FAM227B: variants seen among roughly 807,000 people sequenced by gnomAD.
The protein encoded by FAM227B is family with sequence similarity 227 member B.
A neutral mutation model predicts 73.8 loss-of-function variants in FAM227B; 88 were observed. The observed-to-expected ratio is 1.19, with a 90% CI of 1.00 to 1.42. FAM227B has a LOEUF of 1.42. Ranked by LOEUF, FAM227B falls within the 40% of genes most tolerant of loss-of-function variation. The probability of loss-of-function intolerance (pLI) is 0.00; values close to 1 mark genes in which losing one functional copy is unlikely to be tolerated. For synonymous variants in FAM227B, 210 were observed against 190.5 expected, an observed-to-expected ratio of 1.10 and a Z score of -0.84; for missense variants, 632 against 590.9, an observed-to-expected ratio of 1.07 and a Z score of -0.72.
At chr15:49,512,575 T>G (rs2059086356) in intron 10 of FAM227B, among the ~76,000 whole-genome samples, 1 of 152,122 alleles carries the variant, frequency 6.6e-6, no homozygotes, top group South Asian at 2.1e-4. Context: ...ATATTTATTT[T>G]TTTAATTATT....
intron 10 of FAM227B, among the ~76,000 whole-genome samples, chr15:49,520,427 G>A (rs555414931): frequency 3.9e-5 from 6 of 152,100 alleles, no homozygotes; most frequent in South Asian, 4.2e-4. Flanking sequence ...ACATTTTTGC[G>A]TATCTTAATA....
chr15:49,619,462 TACC>T (rs1214014197), intron 1 of FAM227B, among the ~76,000 whole-genome samples: 2 of 152,202 alleles, frequency 1.3e-5, no homozygotes, highest in African/African-American at 4.8e-5. Flanking sequence ...GAAGTCTGAC[TACC>T]TTGCTGCCAT....
At chr15:49,437,601 C>T (rs889973261) in intron 11 of FAM227B, among the ~76,000 whole-genome samples, 2 of 151,518 alleles carry the variant, frequency 1.3e-5, no homozygotes, top group Non-Finnish European at 3.0e-5. Context: ...TTATTTGTGA[C>T]CTGATTAACT....
At chr15:49,332,090 CACACA>C (rs1567085544) in intron 14 of FAM227B, among the ~76,000 whole-genome samples, 15 of 60,920 alleles carry the variant, frequency 2.5e-4, no homozygotes, top group South Asian at 1.2e-3. Flanking sequence ...ACACGTGCCA[CACACA>C]CACACACACA....
chr15:49,593,184 G>A (rs919113121), intron 3 of FAM227B, among the ~76,000 whole-genome samples: 1 of 152,086 alleles, frequency 6.6e-6, no homozygotes, highest in African/African-American at 2.4e-5. Context: ...CACCTCCGAG[G>A]GCTGCACCCT....
intron 11 of FAM227B, among the ~76,000 whole-genome samples, chr15:49,391,575 T>C (rs1000728510): frequency 6.6e-6 from 1 of 152,124 alleles, no homozygotes; most frequent in African/African-American, 2.4e-5. Context: ...CTAAATTTTT[T>C]CCTGACGGGC....
At chr15:49,437,225 G>T (rs2051189295) in intron 11 of FAM227B, among the ~76,000 whole-genome samples, 1 of 151,266 alleles carries the variant, frequency 6.6e-6, no homozygotes, top group South Asian at 2.1e-4. Flanking sequence ...AGATAACTTA[G>T]TCATATTTAG....
At chr15:49,558,230 G>A (rs934407196) in intron 9 of FAM227B, among the ~76,000 whole-genome samples, 2 of 152,170 alleles carry the variant, frequency 1.3e-5, no homozygotes, top group Non-Finnish European at 2.9e-5. Flanking sequence ...CTCCTTGCAA[G>A]GCAGGGCTTG....
At chr15:49,510,474 C>T (rs1206855758) in intron 10 of FAM227B, among the ~76,000 whole-genome samples, 1 of 152,074 alleles carries the variant, frequency 6.6e-6, no homozygotes, top group Non-Finnish European at 1.5e-5. Flanking sequence ...AACTGCTCCC[C>T]CCACTATTGT....
chr15:49,367,245 T>C (rs990319766), intron 13 of FAM227B, among the ~76,000 whole-genome samples: 1 of 152,150 alleles, frequency 6.6e-6, no homozygotes, highest in Non-Finnish European at 1.5e-5. Flanking sequence ...TTATTTTTCT[T>C]ACATGCAAAA....
intron 11 of FAM227B, among the ~76,000 whole-genome samples, chr15:49,498,606 G>A (rs866959042): frequency 9.2e-5 from 14 of 152,218 alleles, no homozygotes; most frequent in East Asian, 1.9e-4. Context: ...TATAAAAAGC[G>A]TATTTCAAAT....
intron 10 of FAM227B, among the ~76,000 whole-genome samples, chr15:49,516,493 G>A (rs2152137322): frequency 6.6e-6 from 1 of 152,070 alleles, no homozygotes; most frequent in African/African-American, 2.4e-5. Flanking sequence ...ATGGGTTCAG[G>A]AAAGGTTTTG....
intron 8 of FAM227B, among the ~76,000 whole-genome samples, chr15:49,569,330 A>AT (rs1213870468): frequency 4.0e-5 from 6 of 150,974 alleles, no homozygotes; most frequent in East Asian, 3.9e-4. Flanking sequence ...TTCTAGTTTT[A>AT]TTTTTTTTCT....
At chr15:49,540,597 T>C (rs1025333346) in intron 10 of FAM227B, among the ~76,000 whole-genome samples, 3 of 152,192 alleles carry the variant, frequency 2.0e-5, no homozygotes, top group Admixed American at 1.3e-4. Flanking sequence ...ACCAATCATA[T>C]TGGATTAGAG....
intron 9 of FAM227B, among the ~76,000 whole-genome samples, chr15:49,542,709 T>C (rs1249198942): frequency 1.4e-5 from 2 of 146,612 alleles, no homozygotes; most frequent in Non-Finnish European, 3.0e-5. Context: ...ATTTTATATA[T>C]AAATATATAT....
rs917272024 is a variant in FAM227B, at chr15:49,328,164, A to G, written c.*404T>C. On this transcript the variant is annotated 3_prime_UTR_variant, in exon 16 of 16. Coordinates refer to ENST00000299338, the MANE Select transcript of FAM227B (RefSeq NM_152647.3). ...TTGGTTTTGCTTGAGGCCTGAAAAA[A>G]TGTAAAAAGTCTGAGAGAAACTACT... 5.0e-6 allele frequency: 8 copies of G among 1,611,504 alleles called. No homozygotes were observed. The highest frequency in any genetic ancestry group is 1.1e-5 in the South Asian group (1 of 90,726).
At chr15:49,544,863 C>T (rs1040089538) in intron 9 of FAM227B, among the ~76,000 whole-genome samples, 5 of 152,072 alleles carry the variant, frequency 3.3e-5, no homozygotes, top group Non-Finnish European at 5.9e-5. Context: ...CATACTTGAT[C>T]GTGGTGTATG....
At chr15:49,594,381 T>C (rs1176264096) in intron 3 of FAM227B, among the ~76,000 whole-genome samples, 1 of 152,226 alleles carries the variant, frequency 6.6e-6, no homozygotes. Flanking sequence ...GGGTTGTCTG[T>C]TTACTCTGCT....
At chr15:49,382,970 G>C (rs1421795670) in intron 11 of FAM227B, among the ~76,000 whole-genome samples, 2 of 152,118 alleles carry the variant, frequency 1.3e-5, no homozygotes, top group Non-Finnish European at 2.9e-5. Context: ...CATTGTGGTA[G>C]AAATGTAAAT....
Sources: allele counts gnomAD v4.1 joint callset (sites outside exome capture counted in the v4.1 genomes callset), GRCh38; gene constraint gnomAD v4.1.1; transcripts MANE v1.5; gene names NCBI Gene and HGNC (gene_info 2026-07-23, HGNC 2026-07-21).